Variants in PAGE2B observed in about 807,000 individuals in gnomAD.
PAGE2B encodes the protein PAGE family member 2B, also known as putative G antigen family E member 3.
In PAGE2B, 5 loss-of-function variants were observed where a neutral mutation model predicts 7.6. The ratio of observed to expected loss-of-function variants is 0.66; its 90% CI spans 0.34 to 1.38. The LOEUF is 1.38. Among genes scored for constraint, PAGE2B ranks in the 40% most tolerant of loss-of-function variants. The pLI is 0.04. For missense variants in PAGE2B, 70 were observed against 78.4 expected (o/e 0.89, Z 0.41); for synonymous variants, 29 against 26.7 (o/e 1.09, Z -0.27).
the PAGE2B span, among the ~76,000 whole-genome samples, chrX:55,068,437 T>C: frequency 8.9e-6 from 1 of 111,946 alleles, no homozygotes; most frequent in Non-Finnish European, 1.9e-5. Context: ...TTTTTGTTAC[T>C]GTACCTTGTA....
the PAGE2B span, among the ~76,000 whole-genome samples, chrX:55,061,860 G>T: frequency 2.7e-5 from 3 of 111,275 alleles, no homozygotes; most frequent in Non-Finnish European, 5.7e-5. Flanking sequence ...TTGTCTTTCT[G>T]TAACTGGCTT....
chrX:55,035,926 C>CCATT, the PAGE2B span, among the ~76,000 whole-genome samples: 3 of 111,618 alleles, frequency 2.7e-5, no homozygotes, highest in Middle Eastern at 4.6e-3. Context: ...TTCTTCCTAC[C>CCATT]CATTAGCATG....
the PAGE2B span, among the ~76,000 whole-genome samples, chrX:55,056,090 C>T: frequency 1.1e-4 from 12 of 111,411 alleles, no homozygotes; most frequent in Non-Finnish European, 3.8e-5. Flanking sequence ...TGAGTAGAGA[C>T]ACCTCGATCA....
the PAGE2B span, among the ~76,000 whole-genome samples, chrX:55,060,091 A>G: frequency 9.0e-6 from 1 of 111,723 alleles, no homozygotes; most frequent in South Asian, 3.7e-4. Flanking sequence ...TAATACTGCA[A>G]TGAACATGGA....
chrX:55,051,282 G>T, the PAGE2B span, among the ~76,000 whole-genome samples: 1 of 110,692 alleles, frequency 9.0e-6, no homozygotes, highest in Non-Finnish European at 1.9e-5. Flanking sequence ...TGACAATTAT[G>T]TGTCTTGGAG....
the PAGE2B span, among the ~76,000 whole-genome samples, chrX:55,067,038 C>CT: frequency 0.077 from 8,368 of 109,278 alleles, 774 homozygotes; most frequent in African/African-American, 0.26. Flanking sequence ...TTCTTTCTTT[C>CT]TTTTTTTTAG....
At chrX:55,029,346 GC>G in the PAGE2B span, among the ~76,000 whole-genome samples, 1 of 111,587 alleles carries the variant, frequency 9.0e-6, no homozygotes, top group African/African-American at 3.3e-5. Flanking sequence ...CACTTACAGA[GC>G]CCTCTGTGCC....
At chrX:55,063,273 A>G in the PAGE2B span, among the ~76,000 whole-genome samples, 23 of 111,288 alleles carry the variant, frequency 2.1e-4, no homozygotes, top group South Asian at 8.2e-3. Context: ...TTTATTGTAG[A>G]GATCTTTTAC....
At chrX:55,073,501 C>T (rs569158649), upstream of PAGE2B, among the ~76,000 whole-genome samples, 64 of 111,664 alleles carry the variant, frequency 5.7e-4, no homozygotes, top group Middle Eastern at 4.7e-3. Context: ...TTTCCTATTA[C>T]GCCATCTTGC....
the PAGE2B span, among the ~76,000 whole-genome samples, chrX:55,060,771 A>T: frequency 7.2e-5 from 8 of 110,594 alleles, no homozygotes; most frequent in African/African-American, 2.3e-4. Context: ...TAAGTCATTA[A>T]TCCATTTTGA....
At chrX:55,053,711 C>T in the PAGE2B span, among the ~76,000 whole-genome samples, 1 of 111,407 alleles carries the variant, frequency 9.0e-6, no homozygotes, top group South Asian at 3.8e-4. Context: ...ATTACCCTGT[C>T]CCCTATCCTG....
rs1445600642 is a variant in PAGE2B at position 55,076,755 on chromosome X, CAGG to C, written c.193+83_193+85del. On this transcript the variant is annotated intron_variant, in intron 3 of 4. Transcript: ENST00000374971. ...ATTGTATTTTATGACATACCAGTAA[CAGG>C]AGGACAGAAAGCATTAGGAAGGAAT... 1.1e-5 allele frequency: 7 copies of C among 657,688 alleles called. No homozygotes were observed. In the African/African-American group the frequency reaches 1.6e-4, roughly 15 times the overall value. 54.2% of individuals were successfully genotyped at this position (657,688 alleles called of 1,213,427 possible). A position where few individuals can be genotyped will look rare whatever the true frequency, so the allele number is the denominator to read the frequency against.
chrX:55,072,706 T>C (rs1936461897), upstream of PAGE2B, among the ~76,000 whole-genome samples: 1 of 112,638 alleles, frequency 8.9e-6, no homozygotes, highest in Non-Finnish European at 1.9e-5. Context: ...CCCAGGGAGA[T>C]GGCAGTTTCA....
chrX:55,043,053 A>G, the PAGE2B span, among the ~76,000 whole-genome samples: 2 of 111,574 alleles, frequency 1.8e-5, no homozygotes, highest in Admixed American at 9.6e-5. Context: ...ACTTAGAGTC[A>G]ACTGACCTTT....
the PAGE2B span, among the ~76,000 whole-genome samples, chrX:55,052,375 G>A: frequency 8.9e-6 from 1 of 112,510 alleles, no homozygotes; most frequent in Non-Finnish European, 1.9e-5. Flanking sequence ...GGTTATTGCT[G>A]TCTTTTGTTT....
chrX:55,036,106 G>T, the PAGE2B span, among the ~76,000 whole-genome samples: 2 of 111,890 alleles, frequency 1.8e-5, no homozygotes, highest in African/African-American at 6.5e-5. Flanking sequence ...CTGTTTGTCT[G>T]TTATTTGTGT....
At chrX:55,060,793 G>GT in the PAGE2B span, among the ~76,000 whole-genome samples, 3 of 109,190 alleles carry the variant, frequency 2.7e-5, no homozygotes, top group Middle Eastern at 4.6e-3. Flanking sequence ...TTGATCTCTG[G>GT]TTTTTTTTGT....
chrX:55,038,023 C>T, the PAGE2B span, among the ~76,000 whole-genome samples: 19 of 108,305 alleles, frequency 1.8e-4, no homozygotes, highest in Non-Finnish European at 2.9e-4. Flanking sequence ...GCACATTGTG[C>T]ACATGTACCC....
the PAGE2B span, among the ~76,000 whole-genome samples, chrX:55,065,649 T>A: frequency 3.6e-5 from 4 of 112,013 alleles, no homozygotes; most frequent in Non-Finnish European, 7.5e-5. Context: ...TTCCTCTTAG[T>A]GAAGGTGATT....
Sources: gnomAD v4.1 joint callset for allele counts (sites outside exome capture counted in the v4.1 genomes callset) on GRCh38, gnomAD v4.1.1 for gene constraint, MANE v1.5 for transcripts, NCBI Gene and HGNC (gene_info 2026-07-23, HGNC 2026-07-21) for gene names.